PTPRO: variants seen among roughly 807,000 people sequenced by gnomAD.
The protein encoded by PTPRO is protein tyrosine phosphatase receptor type O, also known as receptor-type tyrosine-protein phosphatase O.
Under a neutral mutation model 145.2 loss-of-function variants are expected in PTPRO, and 62 were observed. The observed-to-expected ratio is 0.43, with a 90% CI of 0.35 to 0.53. PTPRO has a LOEUF of 0.53. Ranked by LOEUF, PTPRO falls within the 20% of genes least tolerant of loss-of-function variation. PTPRO has a pLI of 0.01. For synonymous variants in PTPRO, 565 were observed against 514.7 expected (o/e 1.10, Z -1.32); for missense variants, 1,345 against 1,482.7 (o/e 0.91, Z 1.53).
Position 15,546,707 on chromosome 12 carries a change from A to G in PTPRO, c.2303A>G (p.Gln768Arg). 6.2e-7 allele frequency: 1 copy of G among 1,613,962 alleles called. No homozygotes were observed. The highest frequency in any genetic ancestry group is 1.3e-5 in the African/African-American group (1 of 75,048). ...GGCTCCAGTCAGAAAACCAAACTTC[A>G]GGTACTGTACCTTTTGATCTACCTT... ...QVGSSQKTKLQEPVAVSSHVV... is the reference protein window; with the variant it reads ...QVGSSQKTKLREPVAVSSHVV... The change falls in exon 13 of 27, where the codon CAG becomes CGG. Residue 768 changes from glutamine (Q) to arginine (R), a missense_variant and splice_region_variant. Gln to Arg is a conservative substitution (Grantham distance 43). Coordinates refer to ENST00000281171, the MANE Select transcript of PTPRO (RefSeq NM_030667.3).
At chr12:15,403,381 G>A (rs928664004) in intron 1 of PTPRO, among the ~76,000 whole-genome samples, 9 of 152,144 alleles carry the variant, frequency 5.9e-5, no homozygotes, top group African/African-American at 9.6e-5. Context: ...TCAGGAGTTC[G>A]AGACCAGCCT....
Position 15,586,929 on chromosome 12 carries a change from C to G in PTPRO, c.3288C>G (p.Asn1096Lys), listed in dbSNP as rs746470668. 1 of 1,614,114 alleles carries G rather than the reference C, an allele frequency of 6.2e-7. No homozygotes were observed. The highest frequency in any genetic ancestry group is 8.5e-7 in the Non-Finnish European group (1 of 1,179,998). ...AGATGCAGGATGTGATGCATTTTAA[C>G]TACACTGCATGGCCTGATCATGGTG... is the stretch of plus-strand genomic sequence containing the variant. ...ADEMQDVMHF[N>K]YTAWPDHGVP... The change falls in exon 24 of 27, where the codon AAC (asparagine) becomes AAG (lysine). Residue 1096 changes from asparagine to lysine, a missense_variant. This residue lies in a region of PTPRO where 208 missense variants were observed against 242.8 expected (regional missense o/e 0.86). Transcript: ENST00000281171.
At chr12:15,506,671 G>A (rs1316765499) in intron 6 of PTPRO, among the ~76,000 whole-genome samples, 1 of 151,982 alleles carries the variant, frequency 6.6e-6, no homozygotes. Flanking sequence ...AACAGCATAG[G>A]GGAAACCACC....
At chr12:15,471,547 A>G (rs1422566416) in intron 1 of PTPRO, among the ~76,000 whole-genome samples, 1 of 152,220 alleles carries the variant, frequency 6.6e-6, no homozygotes, top group East Asian at 1.9e-4. Context: ...TATGATCTTC[A>G]GGAAAGTTTC....
At chr12:15,550,814 A>G (rs1943436715) in intron 14 of PTPRO, among the ~76,000 whole-genome samples, 1 of 152,206 alleles carries the variant, frequency 6.6e-6, no homozygotes, top group Admixed American at 6.5e-5. Flanking sequence ...GAGTTTTATA[A>G]GAATATTAAA....
intron 14 of PTPRO, 142 bp downstream of exon 14, chr12:15,549,368 G>T: frequency 1.8e-6 from 1 of 564,566 alleles, no homozygotes; most frequent in Non-Finnish European, 2.7e-6. Context: ...GCACTTACTA[G>T]CTATGGAGTT....
intron 1 of PTPRO, among the ~76,000 whole-genome samples, chr12:15,352,601 G>A (rs1937843461): frequency 6.7e-6 from 1 of 150,020 alleles, no homozygotes; most frequent in Non-Finnish European, 1.5e-5. Context: ...AGTGAGCCGG[G>A]ATCGCACCAC....
rs547332760 is a variant in PTPRO, at chr12:15,322,865, C to T, written c.75+64C>T. ...GGCGGCAGCCGCGCTCCGGCGCCCT[C>T]GCTCTGCCGTTGGGAGCGGCGCGCC... On this transcript the variant is annotated intron_variant, in intron 1 of 26. Transcript: ENST00000281171. This position sits in a 1 kb window ranked among gnomAD's most constrained non-coding sequence, Gnocchi z 6.3. 7.1e-6 allele frequency: 11 copies of T among 1,539,278 alleles called. No individual in the cohort carries two copies. The highest frequency in any genetic ancestry group is 9.7e-6 in the Non-Finnish European group (11 of 1,130,576).
In PTPRO at chr12:15,428,521, A is replaced by G. The variant is rs529759027; in HGVS notation, c.76-55453A>G. The stretch of plus-strand genomic sequence containing the variant: ...ATCATATATAAGAGTACCCCAAAGT[A>G]CTTTGTATTGTGCTTGCAACTTTTC... On this transcript the variant is annotated intron_variant, in intron 1 of 26. Coordinates refer to ENST00000281171, the MANE Select transcript of PTPRO (RefSeq NM_030667.3). Among the ~76,000 whole-genome samples the G allele has an allele frequency of 5.3e-5, 8 of 152,256 alleles. No individual in the cohort carries two copies. The South Asian group carries it at 1.0e-3, about 20-fold the overall frequency.
At chr12:15,464,682 A>C (rs565174791) in intron 1 of PTPRO, among the ~76,000 whole-genome samples, 1 of 152,102 alleles carries the variant, frequency 6.6e-6, no homozygotes, top group South Asian at 2.1e-4. Flanking sequence ...CTTTATTATA[A>C]ATTGAATAAA....
intron 6 of PTPRO, 98 bp from the exon 7 acceptor site, chr12:15,508,473 G>A: frequency 7.7e-7 from 1 of 1,293,432 alleles, no homozygotes; most frequent in South Asian, 1.3e-5. Context: ...GAATCTCATT[G>A]TAAGGGCAAA....
In PTPRO at chr12:15,581,666, G is replaced by A; in HGVS notation, c.3133-13G>A. 6.2e-7 allele frequency: 1 copy of A among 1,613,504 alleles called. No individual in the cohort carries two copies. The highest frequency in any genetic ancestry group is 1.1e-5 in the South Asian group (1 of 91,072). Reference sequence around the variant, plus strand: ...CCTGTTTGTTTTAAAAAATTGTTTTGTCCTTGCTCCAGGTGAAATGTGACC... The same window carrying A: ...CCTGTTTGTTTTAAAAAATTGTTTTATCCTTGCTCCAGGTGAAATGTGACC... On this transcript the variant is annotated splice_polypyrimidine_tract_variant and intron_variant, in intron 22 of 26. Transcript: ENST00000281171.
chr12:15,541,073 C>T (rs958090613), intron 12 of PTPRO, among the ~76,000 whole-genome samples: 1 of 152,134 alleles, frequency 6.6e-6, no homozygotes, highest in African/African-American at 2.4e-5. Context: ...ATCCCCCTTA[C>T]CCATATACAT....
chr12:15,493,598 A>C (rs1335555943), intron 2 of PTPRO, among the ~76,000 whole-genome samples: 2 of 152,150 alleles, frequency 1.3e-5, no homozygotes, highest in African/African-American at 4.8e-5. Flanking sequence ...AAGAGATAAC[A>C]TTTCACACAC....
At chr12:15,469,593 C>T (rs253823) in intron 1 of PTPRO, among the ~76,000 whole-genome samples, 3,927 of 152,040 alleles carry the variant, frequency 0.026, 162 homozygotes, top group East Asian at 0.14. Flanking sequence ...ATCAAACAGG[C>T]GAGCTGTAAA....
At chr12:15,415,926 T>G (rs1939959186) in intron 1 of PTPRO, among the ~76,000 whole-genome samples, 1 of 149,780 alleles carries the variant, frequency 6.7e-6, no homozygotes, top group Non-Finnish European at 1.5e-5. Context: ...GGATAAACCT[T>G]GTTTGCCTAA....
At chr12:15,451,576 G>T (rs1053158451) in intron 1 of PTPRO, among the ~76,000 whole-genome samples, 1 of 152,238 alleles carries the variant, frequency 6.6e-6, no homozygotes, top group South Asian at 2.1e-4. Context: ...CATTCTCCAA[G>T]ATAGACCAGA....
chr12:15,527,885 G>GCCCACT (rs1942875963), intron 12 of PTPRO, among the ~76,000 whole-genome samples: 1 of 63,864 alleles, frequency 1.6e-5, no homozygotes, highest in African/African-American at 7.5e-5. Context: ...ACCCGCCCAC[G>GCCCACT]CTACCCAGGA....
intron 1 of PTPRO, among the ~76,000 whole-genome samples, chr12:15,396,434 A>G (rs1939341149): frequency 6.6e-6 from 1 of 151,502 alleles, no homozygotes; most frequent in Non-Finnish European, 1.5e-5. Flanking sequence ...CTTAAAAGTT[A>G]CTAAATTACA....
Sources: allele counts gnomAD v4.1 joint callset (sites outside exome capture counted in the v4.1 genomes callset), GRCh38; gene constraint gnomAD v4.1.1; regional missense constraint gnomAD v4.1.1; non-coding constraint Gnocchi (gnomAD v3.1); transcripts MANE v1.5; gene names NCBI Gene and HGNC (gene_info 2026-07-23, HGNC 2026-07-21).